ANKRD6: variants seen among roughly 807,000 people sequenced by gnomAD.
The protein encoded by ANKRD6 is ankyrin repeat domain-containing protein 6.
ANKRD6 carries 56 observed loss-of-function variants against 82.3 expected under a neutral mutation model. The observed-to-expected ratio is 0.68, with a 90% CI of 0.55 to 0.85. The LOEUF is 0.85. Ranked by LOEUF, ANKRD6 falls within the 40% of genes least tolerant of loss-of-function variation. The pLI is 0.00. For missense variants in ANKRD6, 852 were observed against 907.6 expected, an observed-to-expected ratio of 0.94 and a Z score of 0.79; for synonymous variants, 347 against 352.1, an observed-to-expected ratio of 0.99 and a Z score of 0.16.
At chr6:89,519,690 G>GTAA (rs1454767296) in intron 1 of ANKRD6, among the ~76,000 whole-genome samples, 1 of 152,250 alleles carries the variant, frequency 6.6e-6, no homozygotes, top group Non-Finnish European at 1.5e-5. Context: ...CCTACAGATA[G>GTAA]TAATAGCAGC....
chr6:89,482,734 T>C (rs1454433561), intron 1 of ANKRD6, among the ~76,000 whole-genome samples: 7 of 152,206 alleles, frequency 4.6e-5, no homozygotes, highest in African/African-American at 1.7e-4. Flanking sequence ...AGAATAAATC[T>C]ACTCTTTGTA....
intron 1 of ANKRD6, among the ~76,000 whole-genome samples, chr6:89,460,909 C>CTTTTTTTTTTTTTTTTTTT (rs143153320): frequency 7.4e-6 from 1 of 135,900 alleles, no homozygotes. Context: ...TTTTGGAATT[C>CTTTTTTTTTTTTTTTTTTT]TTTTTTTTTG....
intron 1 of ANKRD6, among the ~76,000 whole-genome samples, chr6:89,465,882 TAA>T (rs895899621): frequency 1.3e-5 from 2 of 151,662 alleles, no homozygotes; most frequent in Admixed American, 1.3e-4. Context: ...TAAATTAATT[TAA>T]AAAAAAATTT....
rs186265168 is a variant in ANKRD6 at position 89,574,354 on chromosome 6, G to A, written c.120+7258G>A. Among the ~76,000 whole-genome samples, 368 of 152,232 alleles carry A rather than the reference G, an allele frequency of 2.4e-3. 6 individuals carry two copies. Among genetic ancestry groups the A allele is most frequent in the African/African-American group, 8.5e-3 (353 of 41,534 alleles). On this transcript the variant is annotated intron_variant, in intron 2 of 15. Transcript: ENST00000339746. Reference sequence around the variant, plus strand: ...CTGGACACTGACAGACATCCCCTGAGGAACAAAATCATCCCCGCCTCAGAA... The same window carrying A: ...CTGGACACTGACAGACATCCCCTGAAGAACAAAATCATCCCCGCCTCAGAA...
At chr6:89,543,768 A>T (rs976734624) in intron 1 of ANKRD6, among the ~76,000 whole-genome samples, 3 of 152,098 alleles carry the variant, frequency 2.0e-5, no homozygotes, top group African/African-American at 7.2e-5. Flanking sequence ...TCTCTTTTAT[A>T]CAAGTCAGGT....
intron 1 of ANKRD6, among the ~76,000 whole-genome samples, chr6:89,449,031 A>G (rs1052742945): frequency 2.1e-5 from 3 of 145,974 alleles, no homozygotes; most frequent in Non-Finnish European, 4.5e-5. Context: ...CTCCGTCTCA[A>G]AAAAAAAAAA....
intron 1 of ANKRD6, among the ~76,000 whole-genome samples, chr6:89,489,474 C>T (rs916901366): frequency 6.6e-6 from 1 of 152,134 alleles, no homozygotes; most frequent in African/African-American, 2.4e-5. Flanking sequence ...TTGAAGAAGT[C>T]CAGAAAATAT....
intron 2 of ANKRD6, among the ~76,000 whole-genome samples, chr6:89,593,043 C>T (rs2128144562): frequency 6.6e-6 from 1 of 152,296 alleles, no homozygotes; most frequent in East Asian, 1.9e-4. Flanking sequence ...CACTGCACTC[C>T]AGCCTGGGTG....
At chr6:89,497,759 A>G (rs924433139) in intron 1 of ANKRD6, among the ~76,000 whole-genome samples, 10 of 152,192 alleles carry the variant, frequency 6.6e-5, no homozygotes, top group African/African-American at 2.4e-4. Flanking sequence ...CATTATAACT[A>G]TGCAGTTTGG....
rs1259519483 is a variant in ANKRD6, at chr6:89,632,682, C to G, written c.*1678C>G. 6.6e-6 allele frequency: 1 copy of G among 152,200 alleles called. No homozygotes were observed. The highest frequency in any genetic ancestry group is 1.5e-5 in the Non-Finnish European group (1 of 68,036). The allele number at this position is 152,200 out of a possible 1,614,324, so 9.4% of individuals were successfully genotyped here. On this transcript the variant is annotated 3_prime_UTR_variant, in exon 16 of 16. Transcript: ENST00000339746. Reference sequence around the variant, plus strand: ...GTTTGGGAGCTTGTCTTGTTCTCAACTACTACGCAGGTAGACAGTCTTCCC... The same window carrying G: ...GTTTGGGAGCTTGTCTTGTTCTCAAGTACTACGCAGGTAGACAGTCTTCCC...
At chr6:89,594,672 G>A (rs758783463) in intron 2 of ANKRD6, among the ~76,000 whole-genome samples, 1 of 152,242 alleles carries the variant, frequency 6.6e-6, no homozygotes, top group South Asian at 2.1e-4. Flanking sequence ...ATGGTTGGTG[G>A]TTATGTGAAG....
intron 5 of ANKRD6, among the ~76,000 whole-genome samples, chr6:89,609,805 T>C (rs1357487781): frequency 6.6e-6 from 1 of 152,032 alleles, no homozygotes; most frequent in East Asian, 1.9e-4. Context: ...AGAGACGAGG[T>C]TTCACCATGT....
rs368985230 is a variant in ANKRD6, at chr6:89,624,009, G to A, written c.1170G>A (p.Ala390=). The change falls in exon 12 of 16, where the codon GCG becomes GCA. Residue 390 remains alanine, a synonymous_variant. Transcript: ENST00000339746. The part of the protein sequence containing the change: ...SSPPPPHEFR[A]YQLYTLYRGK... The stretch of plus-strand genomic sequence containing the variant: ...CACCCCCACCCCATGAGTTCAGGGC[G>A]TATCAGCTCTACACATTGTACCGGG... 1.3e-4 allele frequency: 202 copies of A among 1,608,260 alleles called. 1 individual carries two copies. The highest frequency in any genetic ancestry group is 3.5e-4 in the African/African-American group (26 of 74,334).
chr6:89,602,079 C>A (rs1797311984), intron 3 of ANKRD6: 2 of 152,244 alleles, frequency 1.3e-5, no homozygotes. Flanking sequence ...TTCTAGCAAG[C>A]CATGCACAGC....
At chr6:89,455,356 G>T (rs1194954324) in intron 1 of ANKRD6, among the ~76,000 whole-genome samples, 2 of 152,090 alleles carry the variant, frequency 1.3e-5, no homozygotes, top group African/African-American at 2.4e-5. Context: ...GGTGGAAGGT[G>T]AAGGGGGAGC....
chr6:89,548,439 A>G lies in ANKRD6; in HGVS notation c.-143-18395A>G, dbSNP rs376342537. On this transcript the variant is annotated intron_variant, in intron 1 of 15. Coordinates refer to ENST00000339746, the MANE Select transcript of ANKRD6 (RefSeq NM_001242809.2). ...TTGTTTATCAGTTCACCATTGATGGACATTTGAGTTGTTTCTACTTTTTGG... is the reference window on the plus strand; with the variant it reads ...TTGTTTATCAGTTCACCATTGATGGGCATTTGAGTTGTTTCTACTTTTTGG... Among the ~76,000 whole-genome samples, 14 of 152,290 alleles carry G rather than the reference A, an allele frequency of 9.2e-5. No individual in the cohort carries two copies. The East Asian group carries it at 1.5e-3, about 17-fold the overall frequency.
At position 89,490,648 on chromosome 6, in the gene ANKRD6, C is replaced by T. The variant is rs1243660816; in HGVS notation, c.-144+57273C>T. On this transcript the variant is annotated intron_variant, in intron 1 of 15. Transcript: ENST00000339746. ...ATCCTCCTTACCTAATGAGCACCTGCTCCGGAGGCCCTGCTCTGGAAAAGC... is the reference window on the plus strand; with the variant it reads ...ATCCTCCTTACCTAATGAGCACCTGTTCCGGAGGCCCTGCTCTGGAAAAGC... Among the ~76,000 whole-genome samples, 5 of 152,308 alleles carry T rather than the reference C, an allele frequency of 3.3e-5. No homozygotes were observed. The East Asian group carries it at 9.7e-4, about 29-fold the overall frequency.
chr6:89,435,088 A>G (rs74450191), intron 1 of ANKRD6, among the ~76,000 whole-genome samples: 1,688 of 152,298 alleles, frequency 0.011, 16 homozygotes, highest in Non-Finnish European at 0.016. Context: ...AGATAAGCAT[A>G]TGCTCCATGT....
At chr6:89,573,676 T>C (rs889333979) in intron 2 of ANKRD6, among the ~76,000 whole-genome samples, 1 of 152,252 alleles carries the variant, frequency 6.6e-6, no homozygotes, top group South Asian at 2.1e-4. Flanking sequence ...CTCCTTATTC[T>C]ACCCTCTTGC....
Sources: allele counts gnomAD v4.1 joint callset (sites outside exome capture counted in the v4.1 genomes callset), GRCh38; gene constraint gnomAD v4.1.1; transcripts MANE v1.5; gene names NCBI Gene and HGNC (gene_info 2026-07-23, HGNC 2026-07-21).